Variants in SPON1 observed in about 807,000 individuals in gnomAD.
SPON1 encodes the protein spondin-1.
SPON1 carries 52 observed loss-of-function variants against 111.7 expected under a neutral mutation model. The observed-to-expected ratio is 0.47, with a 90% confidence interval of 0.37 to 0.59. The LOEUF is 0.59. Ranked by LOEUF, SPON1 falls within the 20% of genes least tolerant of loss-of-function variation. The pLI is 0.00. For synonymous variants in SPON1, 410 were observed against 395.8 expected, an observed-to-expected ratio of 1.04 and a Z score of -0.43; for missense variants, 957 against 1,068.5, an observed-to-expected ratio of 0.90 and a Z score of 1.46.
intron 2 of SPON1, among the ~76,000 whole-genome samples, chr11:14,026,410 A>G (rs1000878430): frequency 1.3e-5 from 2 of 152,234 alleles, no homozygotes; most frequent in Admixed American, 6.5e-5. Flanking sequence ...GATGTGTACC[A>G]TATTCAGTAA....
chr11:14,075,614 G>T (rs11023075), intron 4 of SPON1, among the ~76,000 whole-genome samples, 196 bp downstream of exon 4: 38,420 of 152,096 alleles, frequency 0.25, 5,809 homozygotes, highest in South Asian at 0.4. Flanking sequence ...TAATTACTCA[G>T]CTTGATTCCC....
rs1847929034 is a variant in SPON1 at position 14,160,845 on chromosome 11, A to ATATATTTATATATATTTATATATTTT, written c.825+25285_825+25310dup. ...ATATTTTATATATATTTATATATTT[A>ATATATTTATATATATTTATATATTTT]TATATTTATATATATTTATATATTT... On this transcript the variant is annotated intron_variant, in intron 6 of 15. Transcript: ENST00000576479. Among the ~76,000 whole-genome samples the ATATATTTATATATATTTATATATTTT allele has an allele frequency of 1.8e-4, 8 of 44,744 alleles. 4 individuals carry two copies. 29.4% of individuals were successfully genotyped at this position (44,744 alleles called of 152,430 possible).
intron 7 of SPON1, among the ~76,000 whole-genome samples, chr11:14,245,255 G>C (rs558716680): frequency 6.6e-6 from 1 of 152,130 alleles, no homozygotes; most frequent in Non-Finnish European, 1.5e-5. Flanking sequence ...AAGCTACGGC[G>C]AGGCACCTGA....
intron 5 of SPON1, among the ~76,000 whole-genome samples, chr11:14,110,596 C>G (rs1849219960): frequency 6.6e-6 from 1 of 152,160 alleles, no homozygotes; most frequent in Non-Finnish European, 1.5e-5. Context: ...GCCTCAAAAC[C>G]AGGAAATCTG....
At chr11:14,033,665 G>GT (rs1554916314) in intron 2 of SPON1, among the ~76,000 whole-genome samples, 1 of 152,150 alleles carries the variant, frequency 6.6e-6, no homozygotes, top group African/African-American at 2.4e-5. Flanking sequence ...TCAATGAAAA[G>GT]TTTTAGAAGC....
rs1435810883 is a variant in SPON1, at chr11:14,267,733, C to A, written c.*2046C>A. On this transcript the variant is annotated 3_prime_UTR_variant, in exon 16 of 16. Coordinates refer to ENST00000576479, the MANE Select transcript of SPON1 (RefSeq NM_006108.4). ...TAAGAAGCATCAAGTCTCTTTCTTA[C>A]CAAAGTCTTGTTAGGTGGTTTATAG... The A allele has an allele frequency of 6.6e-6, 1 of 152,158 alleles. No individual in the cohort carries two copies. The highest frequency in any genetic ancestry group is 6.5e-5 in the Admixed American group (1 of 15,284). 9.4% of individuals were successfully genotyped at this position (152,158 alleles called of 1,614,324 possible). A position where few individuals can be genotyped will look rare whatever the true frequency, so the allele number is the denominator to read the frequency against.
intron 6 of SPON1, among the ~76,000 whole-genome samples, chr11:14,140,475 A>G (rs1554928648): frequency 2.6e-5 from 4 of 151,996 alleles, no homozygotes; most frequent in Non-Finnish European, 5.9e-5. Flanking sequence ...GCTCACTGCA[A>G]CCTCCGCCTC....
intron 5 of SPON1, among the ~76,000 whole-genome samples, chr11:14,100,975 G>A (rs1554924331): frequency 1.3e-5 from 2 of 152,146 alleles, no homozygotes; most frequent in African/African-American, 4.8e-5. Flanking sequence ...CTTCCTAGGT[G>A]ATCAAATCTC....
chr11:14,217,152 A>G (rs782192153), intron 6 of SPON1, among the ~76,000 whole-genome samples: 13 of 152,174 alleles, frequency 8.5e-5, no homozygotes, highest in Non-Finnish European at 1.5e-4. Context: ...TCCAAAGCAG[A>G]TCAGATGGTT....
At chr11:14,026,071 G>C (rs1468606652) in intron 2 of SPON1, among the ~76,000 whole-genome samples, 1 of 152,184 alleles carries the variant, frequency 6.6e-6, no homozygotes, top group Non-Finnish European at 1.5e-5. Context: ...TGCAAGGCAG[G>C]AGCCAGCCTC....
In SPON1 at chr11:14,235,096, G is replaced by T. The variant is rs566016027; in HGVS notation, c.826-8236G>T. Among the ~76,000 whole-genome samples, 321 of 152,284 alleles carry T rather than the reference G, an allele frequency of 2.1e-3. 1 individual carries two copies. Among genetic ancestry groups the T allele is most frequent in the Non-Finnish European group, 2.6e-3 (178 of 68,022 alleles). ...TCCTCTACCTGGCAGTGCTGGCACG[G>T]CTCTATGCTGGGACTCTCACTGCTC... On this transcript the variant is annotated intron_variant, in intron 6 of 15. Transcript: ENST00000576479.
intron 2 of SPON1, among the ~76,000 whole-genome samples, chr11:13,994,645 G>A (rs927343942): frequency 6.6e-6 from 1 of 152,154 alleles, no homozygotes; most frequent in African/African-American, 2.4e-5. Context: ...CCACCTACTT[G>A]GATCCAAATA....
At chr11:14,173,727 C>T (rs1386093172) in intron 6 of SPON1, among the ~76,000 whole-genome samples, 1 of 152,172 alleles carries the variant, frequency 6.6e-6, no homozygotes, top group Non-Finnish European at 1.5e-5. Context: ...CCCTCAGCTG[C>T]AGGTCTGTTG....
At chr11:13,963,288 C>T (rs1251695003) in intron 1 of SPON1, 146 bp downstream of exon 1, 10 of 582,112 alleles carry the variant, frequency 1.7e-5, no homozygotes, top group Non-Finnish European at 2.6e-5. Flanking sequence ...TGGCTGCCCT[C>T]GGCCCTTGCA....
chr11:14,069,223 T>C lies in SPON1; in HGVS notation c.480-6122T>C, dbSNP rs114927499. ...TATCTCAGTTTTCTCATCTGTAAAA[T>C]AGGGATGATAGTAATGCCTACCTCT... On this transcript the variant is annotated intron_variant, in intron 3 of 15. Transcript: ENST00000576479. Among the ~76,000 whole-genome samples the C allele has an allele frequency of 6.0e-3, 921 of 152,258 alleles. 3 individuals are homozygous for C. Among genetic ancestry groups the C allele is most frequent in the African/African-American group, 0.021 (881 of 41,544 alleles).
intron 3 of SPON1, among the ~76,000 whole-genome samples, chr11:14,068,785 T>C (rs1848852927): frequency 6.6e-6 from 1 of 152,208 alleles, no homozygotes; most frequent in Non-Finnish European, 1.5e-5. Flanking sequence ...CACTTGTAGA[T>C]GATTGTTTGA....
chr11:14,193,882 T>C (rs1193837561), intron 6 of SPON1, among the ~76,000 whole-genome samples: 1 of 152,174 alleles, frequency 6.6e-6, no homozygotes, highest in East Asian at 1.9e-4. Context: ...CTTTTGACAG[T>C]GGTGGCCACT....
At chr11:14,219,895 C>T (rs1848662639) in intron 6 of SPON1, among the ~76,000 whole-genome samples, 2 of 152,102 alleles carry the variant, frequency 1.3e-5, no homozygotes, top group Middle Eastern at 6.8e-3. Flanking sequence ...TCCTCCAACC[C>T]AGGCAACATG....
At chr11:13,979,201 C>T (rs889730977) in intron 1 of SPON1, among the ~76,000 whole-genome samples, 11 of 152,146 alleles carry the variant, frequency 7.2e-5, no homozygotes, top group African/African-American at 2.4e-4. Context: ...CAGGCCTTAG[C>T]TTTCTGCGGC....
Sources: allele counts gnomAD v4.1 joint callset (sites outside exome capture counted in the v4.1 genomes callset), GRCh38; gene constraint gnomAD v4.1.1; transcripts MANE v1.5; gene names NCBI Gene and HGNC (gene_info 2026-07-23, HGNC 2026-07-21).